The following SMAD9 variants were observed in gnomAD, a reference collection of about 807,000 sequenced individuals.
SMAD9 encodes the protein MAD homolog 9.
In SMAD9, 36 loss-of-function variants were observed where a neutral mutation model predicts 46.1. The observed-to-expected ratio is 0.78, with a 90% confidence interval of 0.60 to 1.03. The LOEUF is 1.03. Ranked by LOEUF, SMAD9 falls within the 50% of genes least tolerant of loss-of-function variation. The pLI, the probability that SMAD9 is intolerant of heterozygous loss-of-function variation, is 0.00. For missense variants in SMAD9, 572 were observed against 599.8 expected (o/e 0.95, Z 0.48); for synonymous variants, 245 against 237.1 (o/e 1.03, Z -0.31).
intron 1 of SMAD9, among the ~76,000 whole-genome samples, chr13:36,885,058 A>T (rs183594283): frequency 1.3e-5 from 2 of 152,350 alleles, no homozygotes; most frequent in East Asian, 3.9e-4. Context: ...ATCCATGACC[A>T]GCATTAAGTA....
rs1488723537 is a variant in SMAD9 at position 36,845,635 on chromosome 13, T to G, written c.*3041A>C. The G allele has an allele frequency of 6.6e-6, 1 of 152,202 alleles. No homozygotes were observed. Among genetic ancestry groups the G allele is most frequent in the African/African-American group, 2.4e-5 (1 of 41,452 alleles). The allele number at this position is 152,202 out of a possible 1,614,324, so 9.4% of individuals were successfully genotyped here. On this transcript the variant is annotated 3_prime_UTR_variant, in exon 7 of 7. Coordinates refer to ENST00000379826, the MANE Select transcript of SMAD9 (RefSeq NM_001127217.3). Reference sequence around the variant, plus strand: ...CTGGAAAGAATGCTATTCAGTTTTTTTTTTAATGTCTACATCAAGGAATGA... The same window carrying G: ...CTGGAAAGAATGCTATTCAGTTTTTGTTTTAATGTCTACATCAAGGAATGA...
intron 5 of SMAD9, among the ~76,000 whole-genome samples, chr13:36,854,216 A>G (rs1490961497): frequency 6.6e-6 from 1 of 152,086 alleles, no homozygotes; most frequent in East Asian, 1.9e-4. Flanking sequence ...CATGTTAACA[A>G]TCACTCCCAA....
chr13:36,910,134 T>C (rs1259862641), intron 1 of SMAD9, among the ~76,000 whole-genome samples: 1 of 151,896 alleles, frequency 6.6e-6, no homozygotes, highest in Non-Finnish European at 1.5e-5. Context: ...GAGGCAGAGC[T>C]TGCAGTGAGC....
chr13:36,910,481 C>T (rs939547485), intron 1 of SMAD9, among the ~76,000 whole-genome samples: 5 of 152,120 alleles, frequency 3.3e-5, no homozygotes, highest in East Asian at 3.9e-4. Context: ...TGTATCCATA[C>T]ATTTTACACT....
At chr13:36,892,557 T>C (rs2058496330) in intron 1 of SMAD9, among the ~76,000 whole-genome samples, 1 of 152,186 alleles carries the variant, frequency 6.6e-6, no homozygotes, top group South Asian at 2.1e-4. Flanking sequence ...AATTTAACCA[T>C]CATTTGTCCT....
intron 1 of SMAD9, among the ~76,000 whole-genome samples, chr13:36,906,804 T>C (rs1168539862): frequency 6.6e-6 from 1 of 152,210 alleles, no homozygotes; most frequent in Non-Finnish European, 1.5e-5. Flanking sequence ...TTGCACATTG[T>C]TGATGAGAAT....
At chr13:36,889,270 G>C (rs940995965) in intron 1 of SMAD9, among the ~76,000 whole-genome samples, 9 of 152,126 alleles carry the variant, frequency 5.9e-5, no homozygotes, top group Non-Finnish European at 7.3e-5. Flanking sequence ...GGAACACTGG[G>C]TTTCCTGTAT....
At chr13:36,900,662 C>T (rs547302368) in intron 1 of SMAD9, among the ~76,000 whole-genome samples, 27 of 147,818 alleles carry the variant, frequency 1.8e-4, no homozygotes, top group African/African-American at 6.7e-4. Context: ...AAAGGACTTA[C>T]CACTAAAACT....
intron 3 of SMAD9, among the ~76,000 whole-genome samples, chr13:36,868,116 A>G (rs1181544780): frequency 5.9e-5 from 9 of 152,364 alleles, no homozygotes; most frequent in Non-Finnish European, 7.3e-5. Context: ...GGTTGGATCA[A>G]TCTGCCTTTG....
In SMAD9 at chr13:36,845,075, A is replaced by AT. The variant is rs2138233936; in HGVS notation, c.*3600dup. 6.7e-6 allele frequency: 1 copy of AT among 149,958 alleles called. No individual in the cohort carries two copies. The highest frequency in any genetic ancestry group is 2.1e-4 in the South Asian group (1 of 4,738). The allele number at this position is 149,958 out of a possible 1,614,324, so 9.3% of individuals were successfully genotyped here. On this transcript the variant is annotated 3_prime_UTR_variant, in exon 7 of 7. Coordinates refer to ENST00000379826, the MANE Select transcript of SMAD9 (RefSeq NM_001127217.3). ...AGACAAAATGTGAAATGCATGTTAT[A>AT]TTTTGCTTTATTTGTTGAATATATA...
intron 1 of SMAD9, among the ~76,000 whole-genome samples, chr13:36,906,349 T>C (rs2058619936): frequency 6.6e-6 from 1 of 152,152 alleles, no homozygotes; most frequent in Non-Finnish European, 1.5e-5. Context: ...CACGTAAGTA[T>C]CTTAGATGTG....
At chr13:36,879,162 T>TCTC (rs10660759) in intron 2 of SMAD9, 116 bp downstream of exon 2, 1 of 870,594 alleles carries the variant, frequency 1.1e-6, no homozygotes, top group Non-Finnish European at 1.8e-6. Flanking sequence ...CTCTCCTCTC[T>TCTC]TCTCTCTCTC....
At chr13:36,886,495 TAAAGG>T (rs898919064) in intron 1 of SMAD9, among the ~76,000 whole-genome samples, 2 of 152,210 alleles carry the variant, frequency 1.3e-5, no homozygotes, top group African/African-American at 4.8e-5. Flanking sequence ...CTCTGTCTCC[TAAAGG>T]AAAGGACAAA....
intron 2 of SMAD9, among the ~76,000 whole-genome samples, chr13:36,878,318 A>G (rs1468546684): frequency 1.3e-5 from 2 of 152,076 alleles, no homozygotes; most frequent in East Asian, 3.9e-4. Flanking sequence ...CTTTTGCTGT[A>G]CCTCTTCTAT....
chr13:36,877,828 A>G (rs1172458346), intron 2 of SMAD9, among the ~76,000 whole-genome samples: 2 of 152,160 alleles, frequency 1.3e-5, no homozygotes, highest in Non-Finnish European at 2.9e-5. Context: ...TTGAAGGATC[A>G]CTTAGCTAAG....
intron 1 of SMAD9, among the ~76,000 whole-genome samples, chr13:36,913,980 T>C (rs1415159017): frequency 1.3e-5 from 2 of 152,220 alleles, no homozygotes; most frequent in Non-Finnish European, 2.9e-5. Flanking sequence ...TGTTCAATCC[T>C]GCATAGTTAT....
intron 3 of SMAD9, among the ~76,000 whole-genome samples, chr13:36,870,446 A>AC (rs1462956210): frequency 3.3e-5 from 5 of 151,972 alleles, no homozygotes; most frequent in African/African-American, 1.2e-4. Context: ...CTCTGCCTTC[A>AC]CCCTACAGTA....
At position 36,847,351 on chromosome 13, in the gene SMAD9, A is replaced by T. The variant is rs1289893549; in HGVS notation, c.*1325T>A. ...AGGGTGTGAAATATTTTTCCAAGCA[A>T]TGCAGTGTTTAGTGCATGGCAAGTA... On this transcript the variant is annotated 3_prime_UTR_variant, in exon 7 of 7. Transcript: ENST00000379826. The T allele has an allele frequency of 6.6e-6, 1 of 152,220 alleles. No homozygotes were observed. The highest frequency in any genetic ancestry group is 2.4e-5 in the African/African-American group (1 of 41,462). The allele number at this position is 152,220 out of a possible 1,614,324, so 9.4% of individuals were successfully genotyped here.
chr13:36,865,736 C>G lies in SMAD9; in HGVS notation c.804G>C (p.Glu268Asp), dbSNP rs1317973660. The G allele has an allele frequency of 1.9e-6, 3 of 1,613,908 alleles. No homozygotes were observed. Among genetic ancestry groups the G allele is most frequent in the Admixed American group, 1.7e-5 (1 of 59,976 alleles). ...PNGDFRPVCYEEPQHWCSVAY... is the reference protein window; with the variant it reads ...PNGDFRPVCYDEPQHWCSVAY... The stretch of plus-strand genomic sequence containing the variant: ...CGACCGAGCACCAGTGCTGGGGCTC[C>G]TCGTAACAAACTGGTCGAAAGTCTG... Residue 268 changes from glutamate to aspartate, a missense_variant, in exon 5 of 7, where the codon GAG becomes GAC. By Grantham distance (45) the Glu-to-Asp change is conservative. Coordinates refer to ENST00000379826, the MANE Select transcript of SMAD9 (RefSeq NM_001127217.3).
Sources: gnomAD v4.1 joint callset for allele counts (sites outside exome capture counted in the v4.1 genomes callset) on GRCh38, gnomAD v4.1.1 for gene constraint, MANE v1.5 for transcripts, NCBI Gene and HGNC (gene_info 2026-07-23, HGNC 2026-07-21) for gene names.